The following SEM1 variants were observed in gnomAD, a reference collection of about 807,000 sequenced individuals.
SEM1 encodes the protein 26S proteasome complex subunit SEM1.
SEM1 carries 3 observed loss-of-function variants against 12.7 expected under a neutral mutation model. That is an observed-to-expected ratio of 0.24 (90% CI 0.11 to 0.61). SEM1 has a LOEUF of 0.61. SEM1 is among the 20% of genes least tolerant of loss of function. The pLI is 0.88. For missense variants in SEM1, 59 were observed against 81.3 expected (o/e 0.73, Z 1.06); for synonymous variants, 30 against 27.8 (o/e 1.08, Z -0.25).
In SEM1 at chr7:96,692,259, G is replaced by C. The variant is rs1018746022; in HGVS notation, c.170+2539C>G. 2.6e-5 allele frequency among the ~76,000 whole-genome samples: 4 copies of C among 152,122 alleles called. No individual in the cohort carries two copies. The East Asian group carries it at 7.7e-4, about 29-fold the overall frequency. On this transcript the variant is annotated intron_variant, in intron 2 of 2. Coordinates refer to ENST00000248566, the MANE Select transcript of SEM1 (RefSeq NM_006304.2). ...ATAGTATTCAACAATGTATCAATCA[G>C]TTTTAAGAGAAAAGTGCTAATGAAA...
intron 2 of SEM1, among the ~76,000 whole-genome samples, chr7:96,566,673 G>A (rs1805852121): frequency 6.6e-6 from 1 of 151,292 alleles, no homozygotes; most frequent in African/African-American, 2.4e-5. Context: ...CACCTTTTAT[G>A]GCTTCTAAGC....
intron 2 of SEM1, among the ~76,000 whole-genome samples, chr7:96,524,927 T>C (rs1483872342): frequency 2.0e-5 from 3 of 152,138 alleles, no homozygotes; most frequent in Non-Finnish European, 4.4e-5. Context: ...TTTTTCCATA[T>C]CCATTTCAAT....
chr7:96,688,813 C>A lies in SEM1; in HGVS notation c.*111G>T. 4 of 692,384 alleles carry A rather than the reference C, an allele frequency of 5.8e-6. No individual in the cohort carries two copies. The highest frequency in any genetic ancestry group is 1.9e-5 in the African/African-American group (1 of 53,688). The allele number at this position is 692,384 out of a possible 1,614,324, so 42.9% of individuals were successfully genotyped here. ...TTGTGTTACAAAAACACAAATAAAT[C>A]CAAGCAGATAATGAAATAAACACAT... On this transcript the variant is annotated 3_prime_UTR_variant, in exon 3 of 3. Transcript: ENST00000248566.
chr7:96,497,122 A>G (rs532144393), upstream of SEM1, among the ~76,000 whole-genome samples: 67 of 152,252 alleles, frequency 4.4e-4, no homozygotes, highest in African/African-American at 1.6e-3. Flanking sequence ...AATAAAAATT[A>G]AACCTTGCAC....
At chr7:96,602,747 C>G (rs1807232076) in intron 2 of SEM1, among the ~76,000 whole-genome samples, 1 of 152,154 alleles carries the variant, frequency 6.6e-6, no homozygotes, top group African/African-American at 2.4e-5. Context: ...ACAGATGGTA[C>G]TGAGAATGAC....
At chr7:96,644,964 T>C (rs1206729827) in intron 2 of SEM1, among the ~76,000 whole-genome samples, 2 of 152,182 alleles carry the variant, frequency 1.3e-5, no homozygotes, top group Admixed American at 1.3e-4. Flanking sequence ...ACTATTTATC[T>C]TATATTGAGG....
At chr7:96,668,874 T>C (rs2116569189), downstream of SEM1, among the ~76,000 whole-genome samples, 1 of 152,294 alleles carries the variant, frequency 6.6e-6, no homozygotes, top group African/African-American at 2.4e-5. Context: ...ATCAGACTAG[T>C]GTCCCTATAA....
At chr7:96,563,352 G>A (rs986839920) in intron 2 of SEM1, among the ~76,000 whole-genome samples, 6 of 151,394 alleles carry the variant, frequency 4.0e-5, no homozygotes, top group Non-Finnish European at 7.4e-5. Flanking sequence ...TGGAGGTTTG[G>A]GGGAAAAAAA....
intron 2 of SEM1, among the ~76,000 whole-genome samples, chr7:96,564,848 T>C (rs1335458271): frequency 1.3e-5 from 2 of 152,068 alleles, no homozygotes; most frequent in Non-Finnish European, 2.9e-5. Context: ...ACTTATATGG[T>C]AAGTCTATTT....
chr7:96,679,376 G>A (rs1325054374), intron 2 of SEM1, among the ~76,000 whole-genome samples: 1 of 152,028 alleles, frequency 6.6e-6, no homozygotes, highest in Non-Finnish European at 1.5e-5. Context: ...CCAACCGGGA[G>A]TCTTTGTTTT....
intron 2 of SEM1, among the ~76,000 whole-genome samples, chr7:96,588,015 C>T (rs766479192): frequency 3.9e-5 from 6 of 152,086 alleles, no homozygotes; most frequent in Non-Finnish European, 5.9e-5. Flanking sequence ...GCCCATTGTT[C>T]ACCCCTTAGA....
chr7:96,517,033 G>A (rs1004747167), intron 2 of SEM1, among the ~76,000 whole-genome samples: 1 of 152,134 alleles, frequency 6.6e-6, no homozygotes, highest in Non-Finnish European at 1.5e-5. Context: ...TAAAACCATG[G>A]AGACAATAAA....
upstream of SEM1, chr7:96,496,434 G>A (rs1803263720): frequency 1.7e-6 from 1 of 576,418 alleles, no homozygotes; most frequent in Admixed American, 3.3e-5. Context: ...TCTTTATACT[G>A]CCCCCCCCAA....
At chr7:96,681,784 G>C (rs1213291500) in intron 2 of SEM1, among the ~76,000 whole-genome samples, 1 of 152,092 alleles carries the variant, frequency 6.6e-6, no homozygotes, top group East Asian at 1.9e-4. Flanking sequence ...TTTGGTTACT[G>C]TAGCCTTGTA....
At chr7:96,645,511 G>T in intron 2 of SEM1, 1 of 350,300 alleles carries the variant, frequency 2.9e-6, no homozygotes, top group Non-Finnish European at 5.1e-6. Flanking sequence ...GGGGCAGGAT[G>T]GGAAGGAAGT....
intron 2 of SEM1, among the ~76,000 whole-genome samples, chr7:96,574,167 T>G (rs1201680407): frequency 6.6e-6 from 1 of 152,104 alleles, no homozygotes; most frequent in Admixed American, 6.6e-5. Context: ...TTCCCAGCTA[T>G]GAGTGAGAAC....
chr7:96,616,801 G>T (rs1208589387), intron 2 of SEM1, among the ~76,000 whole-genome samples: 10 of 152,104 alleles, frequency 6.6e-5, no homozygotes, highest in African/African-American at 1.2e-4. Flanking sequence ...TTATTGAATA[G>T]TATGTCATAT....
At chr7:96,627,695 C>T (rs1283104350) in intron 2 of SEM1, among the ~76,000 whole-genome samples, 2 of 152,082 alleles carry the variant, frequency 1.3e-5, no homozygotes, top group African/African-American at 4.8e-5. Flanking sequence ...AACATATGGC[C>T]TATCCTTGAG....
chr7:96,484,302 C>T (rs531975493), intron 3 of SEM1, among the ~76,000 whole-genome samples: 8 of 152,152 alleles, frequency 5.3e-5, no homozygotes, highest in Non-Finnish European at 1.2e-4. Flanking sequence ...AAATCATATG[C>T]CTGTTTTCAA....
Sources: allele counts gnomAD v4.1 joint callset (sites outside exome capture counted in the v4.1 genomes callset), GRCh38; gene constraint gnomAD v4.1.1; transcripts MANE v1.5; gene names NCBI Gene and HGNC (gene_info 2026-07-23, HGNC 2026-07-21).